The following CCNH variants were observed in gnomAD, a reference collection of about 807,000 sequenced individuals.
The protein encoded by CCNH is cyclin-H.
Under a neutral mutation model 41.9 loss-of-function variants are expected in CCNH, and 31 were observed. The observed-to-expected ratio is 0.74, with a 90% CI of 0.56 to 1.00. The LOEUF (loss-of-function observed/expected upper bound fraction) is 1.00, where lower values mean the gene tolerates loss of function less well. Ranked by LOEUF, CCNH falls within the 50% of genes least tolerant of loss-of-function variation. The pLI is 0.00. For synonymous variants in CCNH, 138 were observed against 136.1 expected (o/e 1.01, Z -0.10); for missense variants, 362 against 388.4 (o/e 0.93, Z 0.57).
chr5:87,388,837 T>C (rs1045364209), downstream of CCNH, among the ~76,000 whole-genome samples: 1 of 152,204 alleles, frequency 6.6e-6, no homozygotes, highest in African/African-American at 2.4e-5. Context: ...TTAGGCTGCA[T>C]TTAATCCAGA....
chr5:87,337,845 G>T, intron 9 of CCNH: 1 of 928,510 alleles, frequency 1.1e-6, no homozygotes, highest in South Asian at 2.5e-5. Context: ...ACAAATTTAG[G>T]GTGTTTGACT....
downstream of CCNH, chr5:87,389,202 G>A: frequency 1.9e-6 from 1 of 538,648 alleles, no homozygotes; most frequent in East Asian, 3.8e-5. Context: ...ATGGTGGCAG[G>A]TGCCTGTAAT....
downstream of CCNH, chr5:87,389,670 C>T (rs1762339734): frequency 8.7e-7 from 1 of 1,146,638 alleles, no homozygotes; most frequent in Admixed American, 2.1e-5. Context: ...AAGATCTCAG[C>T]AGACAGAAAT....
chr5:87,324,061 A>G (rs1051139955), intron 9 of CCNH, among the ~76,000 whole-genome samples: 5 of 152,230 alleles, frequency 3.3e-5, no homozygotes, highest in Non-Finnish European at 5.9e-5. Context: ...GAACTAAATA[A>G]GAGACAATGT....
At chr5:87,382,759 T>A (rs949061279) in intron 9 of CCNH, among the ~76,000 whole-genome samples, 6 of 152,210 alleles carry the variant, frequency 3.9e-5, no homozygotes, top group Admixed American at 2.6e-4. Flanking sequence ...GACAACTTTT[T>A]AAAACTTTAG....
At chr5:87,396,778 C>T (rs1017622120) in intron 7 of CCNH, among the ~76,000 whole-genome samples, 1 of 152,146 alleles carries the variant, frequency 6.6e-6, no homozygotes, top group Non-Finnish European at 1.5e-5. Flanking sequence ...TTCACCCAGA[C>T]TAGCAAAAGC....
At chr5:87,320,810 T>C (rs970362216) in intron 9 of CCNH, among the ~76,000 whole-genome samples, 1 of 152,160 alleles carries the variant, frequency 6.6e-6, no homozygotes, top group African/African-American at 2.4e-5. Flanking sequence ...TAACTCAACA[T>C]AGTGTTTTGA....
At chr5:87,390,588 T>G (rs112501549), downstream of CCNH, among the ~76,000 whole-genome samples, 8 of 152,270 alleles carry the variant, frequency 5.3e-5, 1 homozygote, top group African/African-American at 1.9e-4. Context: ...ACAAACAAAT[T>G]TCTGTTCACT....
chr5:87,376,206 A>G (rs1050836868), downstream of CCNH: 2 of 668,990 alleles, frequency 3.0e-6, no homozygotes, highest in Non-Finnish European at 5.1e-6. Context: ...TCTACCTATC[A>G]GAGTTTAGTG....
intron 9 of CCNH, chr5:87,353,012 C>G (rs761535872): frequency 1.1e-5 from 7 of 635,392 alleles, no homozygotes; most frequent in Non-Finnish European, 2.0e-5. Context: ...ATGTTATGAT[C>G]ATTTATTCTA....
exon 1 of CCNH, chr5:87,376,808 A>T: frequency 1.4e-6 from 2 of 1,440,404 alleles, no homozygotes; most frequent in Non-Finnish European, 1.9e-6. Context: ...GAAAGAACAT[A>T]TTTCTTGTTA....
intron 9 of CCNH, chr5:87,333,154 G>T: frequency 6.9e-7 from 1 of 1,441,370 alleles, no homozygotes; most frequent in Non-Finnish European, 9.2e-7. Context: ...TTATTTGAAT[G>T]ATCCCATGGA....
chr5:87,385,779 G>A (rs1002798968), intron 9 of CCNH, among the ~76,000 whole-genome samples: 7 of 151,946 alleles, frequency 4.6e-5, no homozygotes, highest in African/African-American at 9.7e-5. Context: ...TAAGGATAAT[G>A]ACTGATATTC....
downstream of CCNH, among the ~76,000 whole-genome samples, chr5:87,315,100 C>T (rs1479958242): frequency 6.6e-6 from 1 of 152,162 alleles, no homozygotes; most frequent in Non-Finnish European, 1.5e-5. Flanking sequence ...GTCATATTCA[C>T]TATGTTCATA....
At chr5:87,362,779 A>G (rs1760213022) in intron 9 of CCNH, 2 of 1,294,652 alleles carry the variant, frequency 1.5e-6, no homozygotes, top group Non-Finnish European at 2.2e-6. Context: ...AGTTATTAGT[A>G]ATTGACACTT....
intron 7 of CCNH, among the ~76,000 whole-genome samples, chr5:87,397,520 T>C (rs1763063562): frequency 6.6e-6 from 1 of 152,182 alleles, no homozygotes; most frequent in Admixed American, 6.5e-5. Flanking sequence ...CTAATAAAAC[T>C]TGAGCTTATG....
intron 9 of CCNH, among the ~76,000 whole-genome samples, chr5:87,319,413 G>A (rs574907817): frequency 1.1e-4 from 16 of 152,320 alleles, no homozygotes; most frequent in Admixed American, 9.8e-4. Flanking sequence ...GGACATCCAG[G>A]CATTTCCATA....
intron 9 of CCNH, among the ~76,000 whole-genome samples, chr5:87,370,602 A>G (rs1254409515): frequency 6.6e-6 from 1 of 152,172 alleles, no homozygotes; most frequent in African/African-American, 2.4e-5. Flanking sequence ...TTTGAGTTAC[A>G]GTGAGTAAGA....
At chr5:87,399,334 C>T (rs191197895) in intron 7 of CCNH, 60 bp downstream of exon 7, 79 of 1,233,126 alleles carry the variant, frequency 6.4e-5, no homozygotes, top group African/African-American at 2.1e-4. Context: ...AAATGATTTA[C>T]GAACCAGCTG....
Sources: allele counts gnomAD v4.1 joint callset (sites outside exome capture counted in the v4.1 genomes callset), GRCh38; gene constraint gnomAD v4.1.1; transcripts MANE v1.5; gene names NCBI Gene and HGNC (gene_info 2026-07-23, HGNC 2026-07-21).